WAS: variants seen among roughly 807,000 people sequenced by gnomAD.
The protein encoded by WAS is actin nucleation-promoting factor WAS.
In WAS, 1 loss-of-function variant was observed where a neutral mutation model predicts 38.9. That is an observed-to-expected ratio of 0.03 (90% CI 0.01 to 0.12). The LOEUF is 0.12. WAS is among the 10% of genes least tolerant of loss of function. WAS has a pLI of 1.00. For synonymous variants in WAS, 182 were observed against 173.6 expected, an observed-to-expected ratio of 1.05 and a Z score of -0.38; for missense variants, 311 against 431.2, an observed-to-expected ratio of 0.72 and a Z score of 2.47.
Position 48,691,391 on chromosome X carries a change from GAAAAAT to G in WAS, c.*234_*239del. The G allele has an allele frequency of 2.4e-6, 1 of 419,528 alleles. No individual in the cohort carries two copies. Among genetic ancestry groups the G allele is most frequent in the Non-Finnish European group, 4.1e-6 (1 of 241,102 alleles). 34.6% of individuals were successfully genotyped at this position (419,528 alleles called of 1,213,427 possible). A position where few individuals can be genotyped will look rare whatever the true frequency, so the allele number is the denominator to read the frequency against. ...TTCTCTTCACTCAAGGATTTTTAAA[GAAAAAT>G]AAAAGAATTGTCTTTCTGTCTCTCT... On this transcript the variant is annotated 3_prime_UTR_variant, in exon 12 of 12. Coordinates refer to ENST00000376701, the MANE Select transcript of WAS (RefSeq NM_000377.3).
rs1292533656 is a variant in WAS, at chrX:48,684,434, C to A, written c.273+11C>A. On this transcript the variant is annotated intron_variant, in intron 2 of 11. Transcript: ENST00000376701. ...CTTTACGGCCTTCAGGTGACCCCCC[C>A]ACCCCCGACTGGACTTGCAAGCCAG... The A allele has an allele frequency of 1.7e-5, 20 of 1,200,415 alleles. No homozygotes were observed. Among genetic ancestry groups the A allele is most frequent in the East Asian group, 6.0e-5 (2 of 33,127 alleles).
At chrX:48,688,242 G>A (rs1035007675) in intron 8 of WAS, 58 bp from the exon 9 acceptor site, 160 of 1,168,317 alleles carry the variant, frequency 1.4e-4, no homozygotes, top group Non-Finnish European at 1.7e-4. Flanking sequence ...AATCCATGTC[G>A]CTTGTCTCCT....
rs1444604204 is a variant in WAS, at chrX:48,684,159, C to T, written c.133-124C>T. ...GAAGATCTCAATGTCTACTTGCCTT[C>T]CCTCTGGCTGCAGCTCTTCCTTTGG... On this transcript the variant is annotated intron_variant, in intron 1 of 11. Transcript: ENST00000376701. 9.8e-6 allele frequency: 11 copies of T among 1,124,018 alleles called. No homozygotes were observed. The African/African-American group carries it at 1.8e-4, about 19-fold the overall frequency. The allele number at this position is 1,124,018 out of a possible 1,213,427, so 92.6% of individuals were successfully genotyped here.
upstream of WAS, among the ~76,000 whole-genome samples, chrX:48,679,448 G>A (rs188106397): frequency 1.2e-3 from 135 of 112,036 alleles, no homozygotes; most frequent in African/African-American, 4.3e-3. Flanking sequence ...CTCATACCTT[G>A]GTAACGAAAT....
upstream of WAS, among the ~76,000 whole-genome samples, chrX:48,680,889 C>T (rs782214313): frequency 3.6e-5 from 4 of 112,205 alleles, no homozygotes; most frequent in South Asian, 1.1e-3. Flanking sequence ...AACAACAACA[C>T]CAACAACCAG....
At position 48,685,999 on chromosome X, in the gene WAS, A is replaced by C; in HGVS notation, c.505+12A>C. 4 of 1,211,491 alleles carry C rather than the reference A, an allele frequency of 3.3e-6. No individual in the cohort carries two copies. The highest frequency in any genetic ancestry group is 4.5e-6 in the Non-Finnish European group (4 of 895,243). On this transcript the variant is annotated intron_variant, in intron 5 of 11. Transcript: ENST00000376701. ...ACCAGCCAATGAAGGTGAGTCCTCT[A>C]GTGCAAGTAGGGGTAATAAGGGGCT...
chrX:48,677,348 AG>A (rs1187654838), intron 1 of WAS, among the ~76,000 whole-genome samples: 1 of 110,651 alleles, frequency 9.0e-6, no homozygotes, highest in Non-Finnish European at 1.9e-5. Flanking sequence ...CGCTTGAGGG[AG>A]GGGGGAATCT....
intron 7 of WAS, among the ~76,000 whole-genome samples, chrX:48,687,786 A>C (rs782048178): frequency 1.3e-4 from 14 of 111,513 alleles, no homozygotes; most frequent in Non-Finnish European, 1.9e-5. Flanking sequence ...TGGACAGATC[A>C]GTAGTCCAAC....
In WAS at chrX:48,684,303, T is replaced by C. The variant is rs1557006310; in HGVS notation, c.153T>C (p.Val51=). 1.7e-6 allele frequency: 2 copies of C among 1,209,778 alleles called. No homozygotes were observed. Among genetic ancestry groups the C allele is most frequent in the Admixed American group, 2.2e-5 (1 of 45,674 alleles). ...RKCLTLATAV[V]QLYLALPPGA... The stretch of plus-strand genomic sequence containing the variant: ...CCCAGACGCTGGCCACTGCAGTTGT[T>C]CAGCTGTACCTGGCGCTGCCCCCTG... The change falls in exon 2 of 12, where the codon GTT becomes GTC. Residue 51 remains valine (V), a synonymous_variant. Transcript: ENST00000376701.
upstream of WAS, among the ~76,000 whole-genome samples, chrX:48,681,156 C>T: frequency 9.0e-6 from 1 of 111,676 alleles, no homozygotes; most frequent in Non-Finnish European, 1.9e-5. Flanking sequence ...AATGGGGTAA[C>T]AGTAGTGCTT....
At chrX:48,687,790 G>A (rs1557006928) in intron 7 of WAS, among the ~76,000 whole-genome samples, 14 of 111,398 alleles carry the variant, frequency 1.3e-4, no homozygotes, top group Non-Finnish European at 1.9e-5. Context: ...CAGATCAGTA[G>A]TCCAACAGAT....
intron 1 of WAS, among the ~76,000 whole-genome samples, chrX:48,678,163 T>C (rs1466137353): frequency 9.0e-6 from 1 of 111,731 alleles, no homozygotes; most frequent in Non-Finnish European, 1.9e-5. Context: ...AAAGGGAGCA[T>C]TGGGTCTGAG....
intron 7 of WAS, among the ~76,000 whole-genome samples, chrX:48,687,383 G>A (rs2062423510): frequency 9.1e-6 from 1 of 109,386 alleles, no homozygotes; most frequent in African/African-American, 3.3e-5. Flanking sequence ...GTGGATGGAT[G>A]GATAAATGAA....
chrX:48,689,259 C>T (rs781831613), intron 10 of WAS, 61 bp from the exon 11 acceptor site: 1 of 1,030,773 alleles, frequency 9.7e-7, no homozygotes, highest in South Asian at 2.0e-5. Context: ...GATGGAGGGG[C>T]GGGGAGAAAT....
chrX:48,686,868 C>T lies in WAS; in HGVS notation c.647C>T (p.Pro216Leu). 3 of 1,211,886 alleles carry T rather than the reference C, an allele frequency of 2.5e-6. No homozygotes were observed. The highest frequency in any genetic ancestry group is 3.4e-6 in the Non-Finnish European group (3 of 895,520). The change falls in exon 7 of 12, where the codon CCA (proline) becomes CTA (leucine). Residue 216 changes from proline to leucine, a missense_variant. Pro to Leu is a moderately conservative substitution (Grantham distance 98). Transcript: ENST00000376701. ...ACGAGTTCACGATACCGTGGGCTCC[C>T]AGCACCTGGACCTAGCCCAGCTGAT... ...DITSSRYRGL[P>L]APGPSPADKK...
chrX:48,683,020 G>A (rs1428430986), upstream of WAS, among the ~76,000 whole-genome samples: 1 of 111,670 alleles, frequency 9.0e-6, no homozygotes, highest in Non-Finnish European at 1.9e-5. Context: ...AAGCACTCAC[G>A]ATAGGCGTGG....
upstream of WAS, among the ~76,000 whole-genome samples, chrX:48,681,420 C>T (rs1347067765): frequency 6.3e-5 from 7 of 111,892 alleles, no homozygotes; most frequent in South Asian, 7.3e-4. Flanking sequence ...CTGGCTGCCT[C>T]GGCCTCCCAA....
chrX:48,683,778 T>G (rs1557006187), upstream of WAS: 1 of 1,171,092 alleles, frequency 8.5e-7, no homozygotes, highest in African/African-American at 1.8e-5. Flanking sequence ...CCTGTTCCCT[T>G]GCTGCTCATT....
intron 2 of WAS, among the ~76,000 whole-genome samples, chrX:48,684,883 A>C (rs2062414341): frequency 9.0e-6 from 1 of 111,420 alleles, no homozygotes; most frequent in Non-Finnish European, 1.9e-5. Flanking sequence ...TCCACAGCAC[A>C]GACCCCAGAG....
Sources: gnomAD v4.1 joint callset for allele counts (sites outside exome capture counted in the v4.1 genomes callset) on GRCh38, gnomAD v4.1.1 for gene constraint, MANE v1.5 for transcripts, NCBI Gene and HGNC (gene_info 2026-07-23, HGNC 2026-07-21) for gene names.